The following RASSF9 variants were observed in gnomAD, a reference collection of about 807,000 sequenced individuals.
RASSF9 encodes the protein ras association domain-containing protein 9.
Under a neutral mutation model 21.4 loss-of-function variants are expected in RASSF9, and 18 were observed. The ratio of observed to expected loss-of-function variants is 0.84; its 90% CI spans 0.58 to 1.25. The LOEUF is 1.25. Among genes scored for constraint, RASSF9 ranks in the 50% most tolerant of loss-of-function variants. The pLI, the probability that RASSF9 is intolerant of heterozygous loss-of-function variation, is 0.00. For missense variants in RASSF9, 480 were observed against 503.2 expected (o/e 0.95, Z 0.44); for synonymous variants, 183 against 179.1 (o/e 1.02, Z -0.18).
At chr12:85,812,282 T>G (rs1879970482) in intron 1 of RASSF9, among the ~76,000 whole-genome samples, 1 of 151,638 alleles carries the variant, frequency 6.6e-6, no homozygotes, top group Non-Finnish European at 1.5e-5. Flanking sequence ...TTAAATTTGA[T>G]AATATTAAAT....
intron 1 of RASSF9, among the ~76,000 whole-genome samples, chr12:85,822,967 G>C (rs541139745): frequency 3.0e-4 from 45 of 152,196 alleles, no homozygotes; most frequent in African/African-American, 9.9e-4. Context: ...TTGCGAGCCC[G>C]AGGCGGGCGG....
intron 1 of RASSF9, among the ~76,000 whole-genome samples, chr12:85,827,653 T>C (rs926945539): frequency 4.6e-5 from 7 of 152,182 alleles, no homozygotes; most frequent in African/African-American, 1.7e-4. Context: ...TTTTCCTTCA[T>C]GTTTTCCACA....
chr12:85,813,953 A>G (rs960111151), intron 1 of RASSF9, among the ~76,000 whole-genome samples: 1 of 151,970 alleles, frequency 6.6e-6, no homozygotes, highest in African/African-American at 2.4e-5. Flanking sequence ...TACTAACACA[A>G]TCTAGCTACT....
intron 1 of RASSF9, among the ~76,000 whole-genome samples, chr12:85,824,461 G>A (rs1880285023): frequency 6.6e-6 from 1 of 152,138 alleles, no homozygotes; most frequent in Non-Finnish European, 1.5e-5. Context: ...ACTGCAGTAA[G>A]ATATCGTAGG....
chr12:85,823,429 T>C (rs1880259982), intron 1 of RASSF9, among the ~76,000 whole-genome samples: 1 of 152,184 alleles, frequency 6.6e-6, no homozygotes, highest in South Asian at 2.1e-4. Context: ...CCTTTGCTTT[T>C]CCAGCTGCTT....
chr12:85,813,179 A>G (rs1294038910), intron 1 of RASSF9, among the ~76,000 whole-genome samples: 1 of 151,928 alleles, frequency 6.6e-6, no homozygotes, highest in East Asian at 1.9e-4. Flanking sequence ...TACTACATGA[A>G]ACTTTCAACA....
At chr12:85,808,392 C>T (rs1879881073) in intron 1 of RASSF9, among the ~76,000 whole-genome samples, 1 of 151,990 alleles carries the variant, frequency 6.6e-6, no homozygotes, top group South Asian at 2.1e-4. Context: ...ATATTTTGCA[C>T]TTAATGACTC....
intron 1 of RASSF9, among the ~76,000 whole-genome samples, chr12:85,824,433 T>G (rs1880284386): frequency 6.6e-6 from 1 of 152,192 alleles, no homozygotes; most frequent in Non-Finnish European, 1.5e-5. Context: ...TTCAGATAAC[T>G]CTGTTTTACT....
chr12:85,804,945 T>C lies in RASSF9; in HGVS notation c.1065A>G (p.Lys355=), dbSNP rs1253241646. 1 of 1,613,810 alleles carries C rather than the reference T, an allele frequency of 6.2e-7. No homozygotes were observed. The highest frequency in any genetic ancestry group is 1.7e-5 in the Admixed American group (1 of 60,002). The change falls in exon 2 of 2, where the codon AAA becomes AAG. Residue 355 remains lysine (K), a synonymous_variant. Transcript: ENST00000361228. ...ATTCCTTGGCCAGGAGTTCATATTC[T>C]TTTGCTTTCATCTGAAGCAATGAGT... ...YSDSLLQMKA[K]EYELLAKEFN...
At chr12:85,808,560 T>C (rs1305038448) in intron 1 of RASSF9, among the ~76,000 whole-genome samples, 1 of 152,074 alleles carries the variant, frequency 6.6e-6, no homozygotes, top group East Asian at 1.9e-4. Context: ...AAATACTGTC[T>C]AAACAAAAAC....
intron 1 of RASSF9, among the ~76,000 whole-genome samples, chr12:85,821,697 T>C (rs1369179018): frequency 1.3e-5 from 2 of 152,166 alleles, no homozygotes; most frequent in East Asian, 3.9e-4. Flanking sequence ...TTATTAGTTC[T>C]GTGCTCTACT....
At chr12:85,820,774 TAA>T (rs1160372038) in intron 1 of RASSF9, among the ~76,000 whole-genome samples, 6 of 152,336 alleles carry the variant, frequency 3.9e-5, no homozygotes, top group African/African-American at 1.4e-4. Flanking sequence ...GTGTCTTCTT[TAA>T]GTTTTAGAGA....
At chr12:85,824,051 G>T (rs1880274095) in intron 1 of RASSF9, among the ~76,000 whole-genome samples, 1 of 152,136 alleles carries the variant, frequency 6.6e-6, no homozygotes, top group African/African-American at 2.4e-5. Context: ...ATTGTATGAT[G>T]ATGGTTCTCA....
intron 1 of RASSF9, among the ~76,000 whole-genome samples, chr12:85,831,284 C>T (rs983636762): frequency 8.5e-5 from 13 of 152,130 alleles, no homozygotes; most frequent in South Asian, 2.1e-4. Context: ...ATACAGCCAA[C>T]GAACACATTA....
chr12:85,833,045 A>T lies in RASSF9; in HGVS notation c.47+3110T>A, dbSNP rs533060058. On this transcript the variant is annotated intron_variant, in intron 1 of 1. Coordinates refer to ENST00000361228, the MANE Select transcript of RASSF9 (RefSeq NM_005447.4). ...TATATTTAGGCATCTATTATTCTCA[A>T]ATTTCCTGAATACTATTTCCCAAAT... Among the ~76,000 whole-genome samples, 22 of 151,932 alleles carry T rather than the reference A, an allele frequency of 1.4e-4. 1 individual carries two copies. In the East Asian group the frequency reaches 4.2e-3, roughly 29 times the overall value.
chr12:85,827,145 C>T (rs1880351386), intron 1 of RASSF9, among the ~76,000 whole-genome samples: 1 of 152,190 alleles, frequency 6.6e-6, no homozygotes, highest in African/African-American at 2.4e-5. Context: ...ATGTATTTAA[C>T]TGGCATCTGA....
chr12:85,828,212 C>T (rs1880374826), intron 1 of RASSF9, among the ~76,000 whole-genome samples: 1 of 151,968 alleles, frequency 6.6e-6, no homozygotes, highest in African/African-American at 2.4e-5. Context: ...GATCACAAGT[C>T]TGACAGAGTG....
In RASSF9 at chr12:85,805,287, A is replaced by G. The variant is rs1328256747; in HGVS notation, c.723T>C (p.Ser241=). 1.2e-6 allele frequency: 2 copies of G among 1,613,464 alleles called. No individual in the cohort carries two copies. The highest frequency in any genetic ancestry group is 4.5e-5 in the East Asian group (2 of 44,872). ...GCAAGTCTAGATTTTGCTCAACTTC[A>G]CTGAAACTGGGCATTAAATATGCAT... ...VQDAYLMPSF[S]EVEQNLDLQY... is the part of the protein sequence containing the mutation. Residue 241 remains serine (S), a synonymous_variant, in exon 2 of 2, where the codon AGT becomes AGC. Coordinates refer to ENST00000361228, the MANE Select transcript of RASSF9 (RefSeq NM_005447.4).
At chr12:85,811,019 A>G (rs897055200) in intron 1 of RASSF9, among the ~76,000 whole-genome samples, 9 of 151,864 alleles carry the variant, frequency 5.9e-5, no homozygotes, top group Non-Finnish European at 1.0e-4. Context: ...TCCATTTTCT[A>G]TTCTTACAAA....
Sources: gnomAD v4.1 joint callset for allele counts (sites outside exome capture counted in the v4.1 genomes callset) on GRCh38, gnomAD v4.1.1 for gene constraint, MANE v1.5 for transcripts, NCBI Gene and HGNC (gene_info 2026-07-23, HGNC 2026-07-21) for gene names.